The following LETM1 variants were observed in gnomAD, a reference collection of about 807,000 sequenced individuals.
LETM1 encodes mitochondrial proton/calcium exchanger protein.
A neutral mutation model predicts 74.5 loss-of-function variants in LETM1; 50 were observed. That is an observed-to-expected ratio of 0.67 (90% CI 0.53 to 0.85). The LOEUF (loss-of-function observed/expected upper bound fraction) is 0.85, where lower values mean the gene tolerates loss of function less well. LETM1 is among the 40% of genes least tolerant of loss of function. LETM1 has a pLI of 0.00. For missense variants in LETM1, 824 were observed against 967.8 expected (o/e 0.85, Z 1.97); for synonymous variants, 446 against 407.1 (o/e 1.10, Z -1.15).
chr4:1,827,012 C>A (rs1409247516), intron 6 of LETM1, among the ~76,000 whole-genome samples: 1 of 152,204 alleles, frequency 6.6e-6, no homozygotes, highest in South Asian at 2.1e-4. Flanking sequence ...CCGTGGAGCC[C>A]GTCCCTCAGC....
At chr4:1,822,109 T>C in intron 10 of LETM1, 72 bp downstream of exon 10, 2 of 1,326,066 alleles carry the variant, frequency 1.5e-6, no homozygotes, top group South Asian at 2.5e-5. Flanking sequence ...TCCCCATCCC[T>C]GCCCCACAAC....
Position 1,811,646 on chromosome 4 carries a change from C to G in LETM1, c.*2778G>C, listed in dbSNP as rs1338318770. The G allele has an allele frequency of 6.6e-6, 1 of 152,152 alleles. No individual in the cohort carries two copies. Among genetic ancestry groups the G allele is most frequent in the African/African-American group, 2.4e-5 (1 of 41,340 alleles). The allele number at this position is 152,152 out of a possible 1,614,324, so 9.4% of individuals were successfully genotyped here. A position where few individuals can be genotyped will look rare whatever the true frequency, so the allele number is the denominator to read the frequency against. ...CTCCTGCCAGCACCGGGACCCACTG[C>G]GAACAAAGACAGAGCCGGCTCCCCA... On this transcript the variant is annotated 3_prime_UTR_variant, in exon 14 of 14. Transcript: ENST00000302787.
At chr4:1,837,843 C>T (rs1712511084) in intron 3 of LETM1, among the ~76,000 whole-genome samples, 1 of 151,618 alleles carries the variant, frequency 6.6e-6, no homozygotes, top group African/African-American at 2.4e-5. Context: ...GCTGGGATTA[C>T]AGACATGCGC....
chr4:1,834,678 G>A lies in LETM1; in HGVS notation c.876+167C>T, dbSNP rs1712401117. ...CTTAACTCACTGGGAGCTCGTGGGG[G>A]CAGACTCCTGACACTCCACTGGCCC... On this transcript the variant is annotated intron_variant, in intron 5 of 13. Coordinates refer to ENST00000302787, the MANE Select transcript of LETM1 (RefSeq NM_012318.3). This position sits in a 1 kb window ranked among gnomAD's most constrained non-coding sequence, Gnocchi z 5.0. 4 of 1,450,080 alleles carry A rather than the reference G, an allele frequency of 2.8e-6. No homozygotes were observed. The highest frequency in any genetic ancestry group is 2.7e-5 in the Admixed American group (1 of 36,894). The allele number at this position is 1,450,080 out of a possible 1,614,324, so 89.8% of individuals were successfully genotyped here.
intron 2 of LETM1, 77 bp downstream of exon 2, chr4:1,849,072 G>C: frequency 3.2e-6 from 3 of 939,168 alleles, no homozygotes; most frequent in Non-Finnish European, 5.3e-6. Context: ...CAAAAATCAA[G>C]AGTCACTCGT....
chr4:1,814,600 C>T, intron 13 of LETM1, 27 bp from the exon 14 acceptor site: 1 of 1,605,174 alleles, frequency 6.2e-7, no homozygotes, highest in East Asian at 2.2e-5. Context: ...GGGAGAGGCT[C>T]AGGTGGCTGC....
chr4:1,856,135 C>G lies in LETM1; in HGVS notation c.-185G>C, dbSNP rs1713236243. On this transcript the variant is annotated 5_prime_UTR_variant, in exon 1 of 14. Coordinates refer to ENST00000302787, the MANE Select transcript of LETM1 (RefSeq NM_012318.3). ...CACCAGCGGCGGCCTTGTCCCGGCA[C>G]AGACGTCCGGAGGCGCGGGGCGGGG... 1 of 340,188 alleles carries G rather than the reference C, an allele frequency of 2.9e-6. No homozygotes were observed. The highest frequency in any genetic ancestry group is 5.2e-6 in the Non-Finnish European group (1 of 192,048). The allele number at this position is 340,188 out of a possible 1,614,324, so 21.1% of individuals were successfully genotyped here.
intron 7 of LETM1, among the ~76,000 whole-genome samples, chr4:1,824,789 C>A (rs1157374133): frequency 2.0e-5 from 3 of 152,242 alleles, no homozygotes; most frequent in African/African-American, 7.2e-5. Context: ...GGGCAGAGTG[C>A]TAGGGAGGTC....
chr4:1,855,364 G>A (rs1332716933), intron 1 of LETM1, among the ~76,000 whole-genome samples: 2 of 152,140 alleles, frequency 1.3e-5, no homozygotes, highest in African/African-American at 4.8e-5. Context: ...CGTGTTCCCC[G>A]GGTGCCGGTC....
Position 1,841,677 on chromosome 4 carries a change from C to T in LETM1, c.264G>A (p.Trp88Ter), listed in dbSNP as rs1712701873. The change falls in exon 3 of 14, where the codon TGG becomes TGA. Residue 88 changes from tryptophan (W) to a stop codon, truncating the protein, a stop_gained. Transcript: ENST00000302787. LOFTEE classifies it high-confidence loss of function. ...CCACAAAACCCACAGAGGTAGAGGT[C>T]CATGGCGCTCTCGACACTATGCGAA... ...ECLRIVSRAP[W>*]TSTSVGFVAV... 6.2e-7 allele frequency: 1 copy of T among 1,614,226 alleles called. No homozygotes were observed. Among genetic ancestry groups the T allele is most frequent in the African/African-American group, 1.3e-5 (1 of 75,064 alleles).
intron 6 of LETM1, among the ~76,000 whole-genome samples, 186 bp downstream of exon 6, chr4:1,832,558 G>C (rs181584980): frequency 2.8e-4 from 42 of 152,284 alleles, no homozygotes; most frequent in African/African-American, 9.6e-4. Flanking sequence ...CATCCGAGAA[G>C]GTGCCAGAGA....
chr4:1,827,505 G>T (rs1712040210), intron 6 of LETM1, among the ~76,000 whole-genome samples: 1 of 107,426 alleles, frequency 9.3e-6, no homozygotes, highest in Non-Finnish European at 1.9e-5. Context: ...CGAGCATGCT[G>T]CCTTCAAGCA....
intron 1 of LETM1, among the ~76,000 whole-genome samples, chr4:1,851,385 G>A (rs951762786): frequency 1.3e-5 from 2 of 152,134 alleles, no homozygotes; most frequent in African/African-American, 2.4e-5. Flanking sequence ...GTGAGAGGAC[G>A]AACAAGATGG....
At chr4:1,819,191 G>C (rs1165743672) in intron 11 of LETM1, 147 bp downstream of exon 11, 8 of 768,312 alleles carry the variant, frequency 1.0e-5, no homozygotes, top group Non-Finnish European at 1.6e-5. Flanking sequence ...TACTGAATAA[G>C]GTTTATTTAT....
intron 6 of LETM1, among the ~76,000 whole-genome samples, chr4:1,827,271 GTTCT>G (rs1280696219): frequency 7.4e-6 from 1 of 135,190 alleles, no homozygotes; most frequent in African/African-American, 2.9e-5. Flanking sequence ...TGGATTGACA[GTTCT>G]TTTTTTTTTT....
chr4:1,834,702 C>T lies in LETM1; in HGVS notation c.876+143G>A. ...GGCAGACTCCTGACACTCCACTGGC[C>T]CCCGACTGAGCCTCCTGGGTAAACT... On this transcript the variant is annotated intron_variant, in intron 5 of 13. Transcript: ENST00000302787. The surrounding 1 kb of genome is among the most constrained non-coding windows in gnomAD (Gnocchi z 5.0). The T allele has an allele frequency of 4.0e-6, 6 of 1,493,688 alleles. No homozygotes were observed. Among genetic ancestry groups the T allele is most frequent in the Non-Finnish European group, 5.3e-6 (6 of 1,124,972 alleles). 92.5% of individuals were successfully genotyped at this position (1,493,688 alleles called of 1,614,324 possible). A position where few individuals can be genotyped will look rare whatever the true frequency, so the allele number is the denominator to read the frequency against.
In LETM1 at chr4:1,823,147, C is replaced by T. The variant is rs750488665; in HGVS notation, c.1333-16G>A. On this transcript the variant is annotated splice_polypyrimidine_tract_variant and intron_variant, in intron 8 of 13. Coordinates refer to ENST00000302787, the MANE Select transcript of LETM1 (RefSeq NM_012318.3). ...CTTCCTTTGCCTTCAGAAGAGGGTA[C>T]ATCTGTGGGTGAGCCCAGAAGCCAC... is the stretch of plus-strand genomic sequence containing the variant. 4 of 1,569,158 alleles carry T rather than the reference C, an allele frequency of 2.5e-6. No homozygotes were observed. Among genetic ancestry groups the T allele is most frequent in the Middle Eastern group, 3.4e-4 (2 of 5,872 alleles).
chr4:1,836,580 G>A lies in LETM1; in HGVS notation c.595-8C>T, dbSNP rs1256147829. On this transcript the variant is annotated splice_polypyrimidine_tract_variant and splice_region_variant and intron_variant, in intron 3 of 13. Transcript: ENST00000302787. This position sits in a 1 kb window ranked among gnomAD's most constrained non-coding sequence, Gnocchi z 5.8. ...AGCGCAGATCCGGAGAAACTGGAAG[G>A]GGCGGAATCCATCAGAGGGGAGCAG... 2 of 1,613,474 alleles carry A rather than the reference G, an allele frequency of 1.2e-6. No homozygotes were observed. The highest frequency in any genetic ancestry group is 1.7e-5 in the Admixed American group (1 of 59,964).
In LETM1 at chr4:1,816,340, A is replaced by C. The variant is rs78616493; in HGVS notation, c.1931+387T>G. ...CTCCCTCAGCCACTGCTGCGCAGGA[A>C]TCTGGGACATGTCGGGCACAGAGAA... On this transcript the variant is annotated intron_variant, in intron 12 of 13. Coordinates refer to ENST00000302787, the MANE Select transcript of LETM1 (RefSeq NM_012318.3). Among the ~76,000 whole-genome samples, 539 of 152,344 alleles carry C rather than the reference A, an allele frequency of 3.5e-3. 16 individuals carry two copies. In the East Asian group the frequency reaches 0.091, roughly 26 times the overall value.
Sources: allele counts gnomAD v4.1 joint callset (sites outside exome capture counted in the v4.1 genomes callset), GRCh38; gene constraint gnomAD v4.1.1; non-coding constraint Gnocchi (gnomAD v3.1); transcripts MANE v1.5; gene names NCBI Gene and HGNC (gene_info 2026-07-23, HGNC 2026-07-21).